B3GALT1: variants seen among roughly 807,000 people sequenced by gnomAD.
B3GALT1 encodes the protein UDP-Gal:betaGlcNAc beta 1,3-galactosyltransferase, polypeptide 1.
A neutral mutation model predicts 23.2 loss-of-function variants in B3GALT1; 10 were observed. The observed-to-expected ratio is 0.43, with a 90% confidence interval of 0.27 to 0.73. The LOEUF is 0.73. B3GALT1 is among the 30% of genes least tolerant of loss of function. The pLI, the probability that B3GALT1 is intolerant of heterozygous loss-of-function variation, is 0.21. For missense variants in B3GALT1, 299 were observed against 405.4 expected (o/e 0.74, Z 2.25); for synonymous variants, 156 against 141.5 (o/e 1.10, Z -0.73).
At chr2:167,360,715 G>A (rs1697486358) in intron 1 of B3GALT1, among the ~76,000 whole-genome samples, 1 of 151,922 alleles carries the variant, frequency 6.6e-6, no homozygotes, top group African/African-American at 2.4e-5. Context: ...CTTTATGTTA[G>A]GAACATTATA....
intron 2 of B3GALT1, among the ~76,000 whole-genome samples, chr2:167,516,445 T>C (rs1030712746): frequency 2.6e-5 from 4 of 152,108 alleles, no homozygotes; most frequent in Admixed American, 2.6e-4. Flanking sequence ...TACTGTGATA[T>C]ACAAGATTAT....
intron 2 of B3GALT1, among the ~76,000 whole-genome samples, chr2:167,544,382 C>T (rs747468780): frequency 1.4e-4 from 21 of 152,092 alleles, no homozygotes; most frequent in Non-Finnish European, 2.5e-4. Flanking sequence ...GCAGCCTCCA[C>T]CTCCTGGGTT....
At chr2:167,771,067 G>A (rs775154807) in intron 3 of B3GALT1, among the ~76,000 whole-genome samples, 7 of 152,122 alleles carry the variant, frequency 4.6e-5, no homozygotes, top group Non-Finnish European at 8.8e-5. Flanking sequence ...TTACAGCTCC[G>A]TGTCCTGCTG....
intron 3 of B3GALT1, among the ~76,000 whole-genome samples, chr2:167,744,876 CCA>C (rs1407120339): frequency 6.6e-6 from 1 of 152,212 alleles, no homozygotes; most frequent in Admixed American, 6.5e-5. Flanking sequence ...GCGTGAACCA[CCA>C]CACCCGGCCA....
At chr2:167,513,993 G>T (rs1243332105) in intron 2 of B3GALT1, among the ~76,000 whole-genome samples, 1 of 152,052 alleles carries the variant, frequency 6.6e-6, no homozygotes. Context: ...TGCAAGCTCC[G>T]CCTCCCGGGT....
chr2:167,608,828 G>C (rs1455967228), intron 2 of B3GALT1, among the ~76,000 whole-genome samples: 2 of 152,104 alleles, frequency 1.3e-5, no homozygotes, highest in African/African-American at 2.4e-5. Context: ...GAAACATAAA[G>C]TGTTTAAGAG....
chr2:167,378,090 G>A (rs1176155701), intron 1 of B3GALT1, among the ~76,000 whole-genome samples: 1 of 152,124 alleles, frequency 6.6e-6, no homozygotes, highest in African/African-American at 2.4e-5. Flanking sequence ...TTCTTAGTTT[G>A]GCAGGATATG....
intron 2 of B3GALT1, among the ~76,000 whole-genome samples, chr2:167,614,692 C>T (rs1025760653): frequency 5.9e-5 from 9 of 151,904 alleles, no homozygotes; most frequent in Non-Finnish European, 1.0e-4. Flanking sequence ...GTCAATGGGA[C>T]ATAGTGCAAC....
At chr2:167,528,823 T>C (rs1222060168) in intron 2 of B3GALT1, among the ~76,000 whole-genome samples, 2 of 152,208 alleles carry the variant, frequency 1.3e-5, no homozygotes, top group Non-Finnish European at 2.9e-5. Flanking sequence ...TTTCTAAACA[T>C]AGAGATCTTA....
intron 1 of B3GALT1, among the ~76,000 whole-genome samples, chr2:167,320,991 A>G (rs1696802276): frequency 6.6e-6 from 1 of 152,076 alleles, no homozygotes; most frequent in East Asian, 1.9e-4. Context: ...ATTGAGGCAG[A>G]AAGGAAATCA....
At chr2:167,777,275 A>G (rs964776603) in intron 3 of B3GALT1, among the ~76,000 whole-genome samples, 2 of 152,212 alleles carry the variant, frequency 1.3e-5, no homozygotes, top group South Asian at 2.1e-4. Flanking sequence ...CAATATATCA[A>G]TTATGAATGA....
At chr2:167,311,531 A>T (rs1523878) in intron 1 of B3GALT1, among the ~76,000 whole-genome samples, 10 of 151,768 alleles carry the variant, frequency 6.6e-5, no homozygotes, top group South Asian at 2.1e-4. Flanking sequence ...TAGATGCACC[A>T]GGACTTAAAA....
At chr2:167,790,222 A>G (rs919701271) in intron 3 of B3GALT1, among the ~76,000 whole-genome samples, 1 of 152,086 alleles carries the variant, frequency 6.6e-6, no homozygotes, top group African/African-American at 2.4e-5. Flanking sequence ...TTTGAGAAAT[A>G]TAATTCTACC....
chr2:167,562,416 T>C (rs1467640255), intron 2 of B3GALT1, among the ~76,000 whole-genome samples: 1 of 152,130 alleles, frequency 6.6e-6, no homozygotes, highest in Non-Finnish European at 1.5e-5. Context: ...TTGCCCTCTC[T>C]CACCACTCCT....
At chr2:167,821,984 T>G (rs1182888303) in intron 4 of B3GALT1, among the ~76,000 whole-genome samples, 1 of 152,178 alleles carries the variant, frequency 6.6e-6, no homozygotes, top group Non-Finnish European at 1.5e-5. Context: ...AGTCTAGGCT[T>G]AGTGCTAGGT....
chr2:167,509,880 T>C (rs2105353395), intron 2 of B3GALT1, among the ~76,000 whole-genome samples: 1 of 152,254 alleles, frequency 6.6e-6, no homozygotes, highest in African/African-American at 2.4e-5. Flanking sequence ...GTTAAAGGAT[T>C]TATTACTCTG....
intron 1 of B3GALT1, among the ~76,000 whole-genome samples, chr2:167,370,608 G>A (rs2105269140): frequency 6.6e-6 from 1 of 152,238 alleles, no homozygotes; most frequent in East Asian, 1.9e-4. Context: ...GAGTAGGGGA[G>A]TGAAAAACAT....
At chr2:167,529,776 C>T (rs1394595116) in intron 2 of B3GALT1, among the ~76,000 whole-genome samples, 1 of 151,892 alleles carries the variant, frequency 6.6e-6, no homozygotes, top group Non-Finnish European at 1.5e-5. Context: ...TCTCACCCCT[C>T]TTTGTTGCTA....
At chr2:167,331,032 G>A (rs1696965416) in intron 1 of B3GALT1, among the ~76,000 whole-genome samples, 1 of 152,060 alleles carries the variant, frequency 6.6e-6, no homozygotes, top group Non-Finnish European at 1.5e-5. Flanking sequence ...GTGGTGTTGA[G>A]TGTAGCACTT....
Sources: allele counts gnomAD v4.1 joint callset (sites outside exome capture counted in the v4.1 genomes callset), GRCh38; gene constraint gnomAD v4.1.1; transcripts MANE v1.5; gene names NCBI Gene and HGNC (gene_info 2026-07-23, HGNC 2026-07-21).